The following YY1AP1 variants were observed in gnomAD, a reference collection of about 807,000 sequenced individuals.
YY1AP1 encodes the protein YY1 associated protein 1.
In YY1AP1, 43 loss-of-function variants were observed where a neutral mutation model predicts 39.9. That is an observed-to-expected ratio of 1.08 (90% CI 0.84 to 1.39). The LOEUF is 1.39. YY1AP1 is among the 40% of genes most tolerant of loss of function. The pLI is 0.00. For synonymous variants in YY1AP1, 292 were observed against 331.3 expected (o/e 0.88, Z 1.29); for missense variants, 813 against 900.7 (o/e 0.90, Z 1.25).
chr1:155,673,208 G>A (rs931225017), intron 6 of YY1AP1, among the ~76,000 whole-genome samples: 4 of 152,038 alleles, frequency 2.6e-5, no homozygotes, highest in African/African-American at 4.8e-5. Flanking sequence ...CAGAGACAGC[G>A]TTTTCCCATC....
Position 155,679,477 on chromosome 1 carries a change from A to G in YY1AP1, c.57T>C (p.Asp19=). 6 of 1,614,206 alleles carry G rather than the reference A, an allele frequency of 3.7e-6. No individual in the cohort carries two copies. In the African/African-American group the frequency reaches 4.0e-5, roughly 11 times the overall value. Residue 19 remains aspartate, a synonymous_variant, in exon 4 of 11, where the codon GAT becomes GAC. Coordinates refer to ENST00000355499, the MANE Select transcript of YY1AP1 (RefSeq NM_139119.3). ...CACGCTCCTCCTCTTCTGGGCCATC[A>G]TCTTCCATGTTGGAGAATCCCATCT... ...QDEMGFSNME[D]DGPEEEERVA...
chr1:155,688,746 A>C lies in YY1AP1; in HGVS notation c.-239T>G, dbSNP rs921914458. ...CCGCACGGCCACCAACCGCCGCCAA[A>C]GCAGCCGCCGCCAGCACCCCCACCC... On this transcript the variant is annotated 5_prime_UTR_variant, in exon 1 of 11. Transcript: ENST00000355499. 1 of 1,518,142 alleles carries C rather than the reference A, an allele frequency of 6.6e-7. No individual in the cohort carries two copies. The allele number at this position is 1,518,142 out of a possible 1,614,324, so 94.0% of individuals were successfully genotyped here. A position where few individuals can be genotyped will look rare whatever the true frequency, so the allele number is the denominator to read the frequency against.
At chr1:155,675,320 T>TTTATTA (rs914756814) in intron 5 of YY1AP1, among the ~76,000 whole-genome samples, 53 of 150,470 alleles carry the variant, frequency 3.5e-4, no homozygotes, top group South Asian at 1.7e-3. Flanking sequence ...GCTAATTTAT[T>TTTATTA]TTATTATTAT....
chr1:155,688,390 C>T, intron 1 of YY1AP1, 189 bp from the exon 2 acceptor site: 1 of 1,542,668 alleles, frequency 6.5e-7, no homozygotes, highest in Admixed American at 2.0e-5. Context: ...GGGCGCCTAG[C>T]GACACCCCCA....
rs1047820796 is a variant in YY1AP1 at position 155,660,585 on chromosome 1, G to T, written c.1325C>A (p.Pro442His). 4.6e-5 allele frequency: 74 copies of T among 1,614,092 alleles called. No homozygotes were observed. In the Admixed American group the frequency reaches 1.1e-3, roughly 23 times the overall value. Residue 442 changes from proline (P) to histidine (H), a missense_variant, in exon 11 of 11, where the codon CCT (proline) becomes CAT (histidine). Pro to His is a moderately conservative substitution (Grantham distance 77). Around this residue, in one of 3 missense-constraint regions of YY1AP1, gnomAD observed 586 missense variants for 647.4 expected, o/e 0.91. Coordinates refer to ENST00000355499, the MANE Select transcript of YY1AP1 (RefSeq NM_139119.3). ...AATCCGGAGCACCATTTTGCTCGGA[G>T]GGGCTTCTGAATGAGTTGATTGGGC... ...TPAQSTHSEA[P>H]PSKMVLRIPH...
In YY1AP1 at chr1:155,659,807, G is replaced by A. The variant is rs376798637; in HGVS notation, c.2103C>T (p.Thr701=). 92 of 1,614,048 alleles carry A rather than the reference G, an allele frequency of 5.7e-5. No homozygotes were observed. Among genetic ancestry groups the A allele is most frequent in the Non-Finnish European group, 7.1e-5 (84 of 1,180,042 alleles). Residue 701 remains threonine, a synonymous_variant, in exon 11 of 11, where the codon ACC becomes ACT. Coordinates refer to ENST00000355499, the MANE Select transcript of YY1AP1 (RefSeq NM_139119.3). ...GCCTTCCCTCCTCTGTTTTCACAAC[G>A]GTCCAGCGATAGGCACTGTTCTCTG... ...GLSENSAYRW[T]VVKTEEGRQA...
chr1:155,688,159 G>C lies in YY1AP1; in HGVS notation c.-109C>G, dbSNP rs1256567255. The C allele has an allele frequency of 6.2e-7, 1 of 1,613,966 alleles. No homozygotes were observed. Among genetic ancestry groups the C allele is most frequent in the Non-Finnish European group, 8.5e-7 (1 of 1,179,954 alleles). ...TCCTCCGCTTCCCTGGGTCCACCGC[G>C]GATCCCTCCCGCTTGTCAGGAGGCG... On this transcript the variant is annotated 5_prime_UTR_variant, in exon 2 of 11. Coordinates refer to ENST00000355499, the MANE Select transcript of YY1AP1 (RefSeq NM_139119.3).
intron 6 of YY1AP1, 43 bp from the exon 7 acceptor site, chr1:155,672,774 CAATT>C (rs1321390145): frequency 6.2e-7 from 1 of 1,613,752 alleles, no homozygotes; most frequent in East Asian, 2.2e-5. Context: ...CAATTCCAGA[CAATT>C]AATACCAATA....
intron 7 of YY1AP1, among the ~76,000 whole-genome samples, chr1:155,671,444 AG>A (rs1558307134): frequency 6.6e-6 from 1 of 151,736 alleles, no homozygotes; most frequent in Admixed American, 6.6e-5. Context: ...AAAAAAAAAA[AG>A]AAAAAAGATT....
chr1:155,681,784 T>C (rs1651559648), intron 2 of YY1AP1, among the ~76,000 whole-genome samples: 1 of 152,086 alleles, frequency 6.6e-6, no homozygotes, highest in African/African-American at 2.4e-5. Context: ...CAGAATCATA[T>C]TTTCTCAAAT....
chr1:155,660,569 C>A lies in YY1AP1; in HGVS notation c.1341G>T (p.Val447=), dbSNP rs1647917921. Residue 447 remains valine (V), a synonymous_variant, in exon 11 of 11, where the codon GTG becomes GTT. Coordinates refer to ENST00000355499, the MANE Select transcript of YY1AP1 (RefSeq NM_139119.3). ...THSEAPPSKM[V]LRIPHPIQPA... ...GCTGTATTGGGTGAGGAATCCGGAG[C>A]ACCATTTTGCTCGGAGGGGCTTCTG... 1.2e-6 allele frequency: 2 copies of A among 1,614,078 alleles called. No homozygotes were observed. Among genetic ancestry groups the A allele is most frequent in the East Asian group, 4.5e-5 (2 of 44,878 alleles).
chr1:155,685,501 G>C (rs1041312646), intron 2 of YY1AP1, among the ~76,000 whole-genome samples: 1 of 152,174 alleles, frequency 6.6e-6, no homozygotes, highest in Non-Finnish European at 1.5e-5. Flanking sequence ...CTCAGAGTTT[G>C]AGAACAAAAA....
chr1:155,662,766 CGAG>C (rs1053578836), intron 9 of YY1AP1, among the ~76,000 whole-genome samples: 6 of 151,880 alleles, frequency 4.0e-5, no homozygotes, highest in African/African-American at 1.4e-4. Flanking sequence ...TTTGGGAGAA[CGAG>C]GAGGATGGAT....
chr1:155,665,337 C>T (rs375675004), intron 9 of YY1AP1, among the ~76,000 whole-genome samples: 12 of 151,978 alleles, frequency 7.9e-5, no homozygotes, highest in Admixed American at 3.3e-4. Flanking sequence ...GTAATACTCA[C>T]GCCTGTAATC....
At chr1:155,681,315 C>T (rs910735447) in intron 2 of YY1AP1, among the ~76,000 whole-genome samples, 2 of 152,258 alleles carry the variant, frequency 1.3e-5, no homozygotes, top group Middle Eastern at 3.4e-3. Flanking sequence ...CAGGCATGAG[C>T]CACCATGACC....
intron 2 of YY1AP1, among the ~76,000 whole-genome samples, chr1:155,681,982 G>A (rs902236905): frequency 6.6e-6 from 1 of 151,758 alleles, no homozygotes; most frequent in Non-Finnish European, 1.5e-5. Flanking sequence ...ACCCCACCTG[G>A]CAAGATCTTA....
chr1:155,663,617 G>A (rs1353062790), intron 9 of YY1AP1, among the ~76,000 whole-genome samples: 3 of 151,770 alleles, frequency 2.0e-5, no homozygotes, highest in Non-Finnish European at 4.4e-5. Context: ...TCCTCGGGAC[G>A]CTGAAACAGG....
At chr1:155,671,379 C>T (rs771729002) in intron 7 of YY1AP1, among the ~76,000 whole-genome samples, 6 of 151,202 alleles carry the variant, frequency 4.0e-5, no homozygotes, top group East Asian at 1.9e-4. Flanking sequence ...TGCAGTGAGC[C>T]GAGATCACCC....
Position 155,688,177 on chromosome 1 carries a change from A to G in YY1AP1, c.-127T>C, listed in dbSNP as rs1188707205. The G allele has an allele frequency of 6.2e-7, 1 of 1,613,996 alleles. No individual in the cohort carries two copies. Among genetic ancestry groups the G allele is most frequent in the Admixed American group, 1.7e-5 (1 of 60,032 alleles). On this transcript the variant is annotated 5_prime_UTR_variant, in exon 2 of 11. Transcript: ENST00000355499. The stretch of plus-strand genomic sequence containing the variant: ...CCACCGCGGATCCCTCCCGCTTGTC[A>G]GGAGGCGGCCAGCGGGTAAGCCGAC...
Sources: gnomAD v4.1 joint callset for allele counts (sites outside exome capture counted in the v4.1 genomes callset) on GRCh38, gnomAD v4.1.1 for gene constraint, gnomAD v4.1.1 regional missense constraint, MANE v1.5 for transcripts, NCBI Gene and HGNC (gene_info 2026-07-23, HGNC 2026-07-21) for gene names.